Variants in LPA observed in about 807,000 individuals in gnomAD.
LPA encodes the protein apolipoprotein(a).
A neutral mutation model predicts 197.9 loss-of-function variants in LPA; 199 were observed. That is an observed-to-expected ratio of 1.01 (90% CI 0.90 to 1.13). The LOEUF (loss-of-function observed/expected upper bound fraction) is 1.13. Among genes scored for constraint, LPA ranks in the 50% most tolerant of loss-of-function variants. The pLI is 0.00. For missense variants in LPA, 1,853 were observed against 1,785.8 expected, an observed-to-expected ratio of 1.04 and a Z score of -0.68; for synonymous variants, 715 against 639.5, an observed-to-expected ratio of 1.12 and a Z score of -1.78.
At chr6:160,600,447 G>T (rs1296664290) in intron 19 of LPA, among the ~76,000 whole-genome samples, 1 of 152,108 alleles carries the variant, frequency 6.6e-6, no homozygotes, top group Non-Finnish European at 1.5e-5. Context: ...CTACTCCACA[G>T]ACCCAGGGAG....
chr6:160,571,356 A>G (rs1283051838), intron 28 of LPA, among the ~76,000 whole-genome samples: 1 of 152,142 alleles, frequency 6.6e-6, no homozygotes, highest in Non-Finnish European at 1.5e-5. Context: ...TTCTGAAACC[A>G]GGACCCACTT....
At chr6:160,563,661 GGTGTTAAA>G (rs1280793591) in intron 28 of LPA, among the ~76,000 whole-genome samples, 10 of 152,224 alleles carry the variant, frequency 6.6e-5, no homozygotes, top group Middle Eastern at 3.4e-3. Context: ...TTGGCTGTGG[GGTGTTAAA>G]GTCTCCCACT....
intron 27 of LPA, among the ~76,000 whole-genome samples, chr6:160,578,052 C>T (rs188703507): frequency 2.0e-5 from 3 of 152,206 alleles, no homozygotes; most frequent in East Asian, 3.9e-4. Flanking sequence ...GCTATGCAGC[C>T]CCAGGACAAT....
intron 1 of LPA, among the ~76,000 whole-genome samples, chr6:160,662,479 G>A (rs541375517): frequency 1.3e-5 from 2 of 152,312 alleles, no homozygotes; most frequent in East Asian, 3.9e-4. Flanking sequence ...CAGAAAGCCT[G>A]GCTTTCCAAA....
At chr6:160,600,150 C>A (rs1292434840) in intron 19 of LPA, among the ~76,000 whole-genome samples, 1 of 152,202 alleles carries the variant, frequency 6.6e-6, no homozygotes, top group African/African-American at 2.4e-5. Context: ...GGGCAGACAA[C>A]AGTCCTGCAG....
chr6:160,604,410 T>G (rs6930342), intron 18 of LPA, among the ~76,000 whole-genome samples: 60,776 of 151,960 alleles, frequency 0.4, 12,472 homozygotes, highest in African/African-American at 0.49. Flanking sequence ...ACTTATGGCC[T>G]AAAGCCTGGC....
chr6:160,640,771 CT>C lies in LPA; in HGVS notation c.628del (p.Arg210GlyfsTer7). ...TTGCGTCAGGTTGCAGTACTCCCAC[CT>C]GACACCGGGATCCCTCGTATAACAA... The part of the protein sequence containing the change: ...PYCYTRDPGV[R>X]WEYCNLTQCS... On this transcript the variant is annotated frameshift_variant, in exon 5 of 39. Transcript: ENST00000316300. LOFTEE classifies it high-confidence loss of function. 2.2e-6 allele frequency: 1 copy of C among 455,778 alleles called. No homozygotes were observed. Among genetic ancestry groups the C allele is most frequent in the Non-Finnish European group, 3.6e-6 (1 of 276,432 alleles). 28.2% of individuals were successfully genotyped at this position (455,778 alleles called of 1,614,324 possible).
chr6:160,553,653 A>C (rs1226810858), intron 30 of LPA, among the ~76,000 whole-genome samples: 2 of 152,068 alleles, frequency 1.3e-5, no homozygotes, highest in African/African-American at 4.8e-5. Flanking sequence ...ATGTTGGACG[A>C]TTTATCTATA....
Position 160,542,827 on chromosome 6 carries a change from A to G in LPA, c.5399-19T>C, listed in dbSNP as rs546114190. 6.2e-7 allele frequency: 1 copy of G among 1,613,804 alleles called. No homozygotes were observed. Among genetic ancestry groups the G allele is most frequent in the African/African-American group, 1.3e-5 (1 of 75,052 alleles). ...GAGGATGCTGTGGCACAAGGTGGGA[A>G]AAGAAGTCGCATTTGAGTCCAAGTT... On this transcript the variant is annotated intron_variant, in intron 33 of 38. Coordinates refer to ENST00000316300, the MANE Select transcript of LPA (RefSeq NM_005577.4).
intron 30 of LPA, among the ~76,000 whole-genome samples, chr6:160,551,301 G>C (rs760841803): frequency 6.6e-6 from 1 of 152,140 alleles, no homozygotes. Context: ...TGAGATACTG[G>C]ACATTTTTTC....
At chr6:160,658,893 A>ATATAT (rs1780175176) in intron 1 of LPA, among the ~76,000 whole-genome samples, 35 of 117,980 alleles carry the variant, frequency 3.0e-4, no homozygotes, top group African/African-American at 1.0e-3. Context: ...TATATATATG[A>ATATAT]GAGAGAGAGA....
chr6:160,561,040 G>A (rs1778352714), intron 28 of LPA, among the ~76,000 whole-genome samples: 1 of 152,018 alleles, frequency 6.6e-6, no homozygotes, highest in Non-Finnish European at 1.5e-5. Flanking sequence ...CTCCCAAGTA[G>A]CTGGGACTAC....
chr6:160,653,898 A>C (rs1241845131), intron 1 of LPA, among the ~76,000 whole-genome samples: 1 of 90,402 alleles, frequency 1.1e-5, no homozygotes, highest in African/African-American at 4.6e-5. Flanking sequence ...TGTATTAGTC[A>C]GGGTTCTCTA....
At chr6:160,571,873 C>T (rs536188126) in intron 28 of LPA, among the ~76,000 whole-genome samples, 8 of 152,174 alleles carry the variant, frequency 5.3e-5, no homozygotes, top group Admixed American at 3.3e-4. Context: ...CCTTTCTTCA[C>T]GGGGGTGAAT....
intron 28 of LPA, among the ~76,000 whole-genome samples, chr6:160,572,340 A>C (rs1267641609): frequency 1.3e-5 from 2 of 151,906 alleles, no homozygotes; most frequent in Non-Finnish European, 2.9e-5. Context: ...CCAGCCACCA[A>C]CTCTTTTTGT....
intron 18 of LPA, among the ~76,000 whole-genome samples, chr6:160,603,116 T>C (rs1356117891): frequency 6.6e-6 from 1 of 151,908 alleles, no homozygotes; most frequent in Non-Finnish European, 1.5e-5. Context: ...TATTTGTTCC[T>C]GTAGCAATCT....
intron 28 of LPA, among the ~76,000 whole-genome samples, chr6:160,559,378 T>C (rs547407692): frequency 1.3e-5 from 2 of 152,370 alleles, no homozygotes; most frequent in South Asian, 4.1e-4. Flanking sequence ...TATTCAAGTG[T>C]ACCAGTAGGT....
intron 1 of LPA, among the ~76,000 whole-genome samples, chr6:160,661,704 G>C (rs1294711704): frequency 6.6e-6 from 1 of 152,112 alleles, no homozygotes; most frequent in African/African-American, 2.4e-5. Context: ...AAAAGCACTT[G>C]ATAGATATAT....
chr6:160,570,167 T>C (rs1230677559), intron 28 of LPA, among the ~76,000 whole-genome samples: 1 of 152,202 alleles, frequency 6.6e-6, no homozygotes, highest in African/African-American at 2.4e-5. Context: ...ATCATGCTGC[T>C]ATAAAGACAC....
Sources: allele counts gnomAD v4.1 joint callset (sites outside exome capture counted in the v4.1 genomes callset), GRCh38; gene constraint gnomAD v4.1.1; transcripts MANE v1.5; gene names NCBI Gene and HGNC (gene_info 2026-07-23, HGNC 2026-07-21).